ALDH5A1: variants seen among roughly 807,000 people sequenced by gnomAD.
ALDH5A1 encodes the protein succinate-semialdehyde dehydrogenase, mitochondrial.
Under a neutral mutation model 54.7 loss-of-function variants are expected in ALDH5A1, and 33 were observed. That is an observed-to-expected ratio of 0.60 (90% CI 0.46 to 0.81). The LOEUF (loss-of-function observed/expected upper bound fraction) is 0.81, where lower values mean the gene tolerates loss of function less well. Among genes scored for constraint, ALDH5A1 ranks in the 30% least tolerant of loss-of-function variants. The probability of loss-of-function intolerance (pLI) is 0.00; values close to 1 mark genes in which losing one functional copy is unlikely to be tolerated. For missense variants in ALDH5A1, 657 were observed against 711.0 expected, an observed-to-expected ratio of 0.92 and a Z score of 0.86; for synonymous variants, 294 against 292.7, an observed-to-expected ratio of 1.00 and a Z score of -0.05.
Position 24,528,076 on chromosome 6 carries a change from AT to A in ALDH5A1, c.1256del (p.Phe419SerfsTer38), listed in dbSNP as rs776600632. On this transcript the variant is annotated frameshift_variant, in exon 8 of 10. Coordinates refer to ENST00000357578, the MANE Select transcript of ALDH5A1 (RefSeq NM_001080.3). LOFTEE classifies it high-confidence loss of function. ...GGAAAACGACACCAACTTGGAAAAAATTTCTTTGAGCCTACCCTGCTGTGCA... is the reference window on the plus strand; with the variant it reads ...GGAAAACGACACCAACTTGGAAAAAATTCTTTGAGCCTACCCTGCTGTGCA... ...TGGKRHQLGKNFFEPTLLCNV... is the reference protein window; with the variant it reads ...TGGKRHQLGKXFFEPTLLCNV... The A allele has an allele frequency of 5.0e-6, 8 of 1,614,118 alleles. No homozygotes were observed. Among genetic ancestry groups the A allele is most frequent in the Non-Finnish European group, 2.5e-6 (3 of 1,180,012 alleles).
At chr6:24,500,755 T>C (rs113140723) in intron 1 of ALDH5A1, among the ~76,000 whole-genome samples, 96 of 151,982 alleles carry the variant, frequency 6.3e-4, no homozygotes, top group African/African-American at 1.7e-3. Flanking sequence ...AATAGCTGTT[T>C]CCACAAAACT....
chr6:24,528,222 A>T, intron 8 of ALDH5A1, 56 bp downstream of exon 8: 3 of 1,605,030 alleles, frequency 1.9e-6, no homozygotes, highest in Non-Finnish European at 2.6e-6. Context: ...GAACATAGGA[A>T]ACCCTGAAAG....
At chr6:24,528,304 C>T (rs1759861242) in intron 8 of ALDH5A1, 138 bp downstream of exon 8, 2 of 880,502 alleles carry the variant, frequency 2.3e-6, no homozygotes, top group South Asian at 3.1e-5. Context: ...GAGCAGAGTG[C>T]AATTTATGGG....
At position 24,495,228 on chromosome 6, in the gene ALDH5A1, G is replaced by A. The variant is rs1001529759; in HGVS notation, c.232G>A (p.Val78Met). The A allele has an allele frequency of 2.6e-6, 4 of 1,519,862 alleles. No homozygotes were observed. Among genetic ancestry groups the A allele is most frequent in the Non-Finnish European group, 2.6e-6 (3 of 1,140,852 alleles). 94.1% of individuals were successfully genotyped at this position (1,519,862 alleles called of 1,614,324 possible). ...GCTCCCGGCCGCCGCCACCTTCCCC[G>A]TGCAAGACCCGGCCAGCGGCGCCGC... ...RWLPAAATFP[V>M]QDPASGAALG... The change falls in exon 1 of 10, where the codon GTG becomes ATG. Residue 78 changes from valine (V) to methionine (M), a missense_variant. By Grantham distance (21) the Val-to-Met change is conservative (BLOSUM62 1). This residue lies in a region of ALDH5A1 where 232 missense variants were observed against 194.6 expected (regional missense o/e 1.19). Transcript: ENST00000357578.
At chr6:24,531,803 C>A (rs1001245510) in intron 8 of ALDH5A1, among the ~76,000 whole-genome samples, 1 of 152,156 alleles carries the variant, frequency 6.6e-6, no homozygotes, top group African/African-American at 2.4e-5. Flanking sequence ...CCAGTGGGTA[C>A]CAAGAATAGT....
chr6:24,513,789 G>A (rs1759508355), intron 4 of ALDH5A1, among the ~76,000 whole-genome samples: 1 of 149,830 alleles, frequency 6.7e-6, no homozygotes, highest in Non-Finnish European at 1.5e-5. Context: ...CTCTGTTATT[G>A]GGTATACCAC....
chr6:24,499,360 C>T (rs865835017), intron 1 of ALDH5A1, among the ~76,000 whole-genome samples: 2 of 152,210 alleles, frequency 1.3e-5, no homozygotes, highest in Non-Finnish European at 2.9e-5. Flanking sequence ...ACAGCCTGAG[C>T]AGCGCTCTCT....
intron 5 of ALDH5A1, among the ~76,000 whole-genome samples, chr6:24,517,006 G>C (rs1358187287): frequency 6.6e-6 from 1 of 152,054 alleles, no homozygotes; most frequent in African/African-American, 2.4e-5. Flanking sequence ...AAGCAGGAGG[G>C]AATAATTTAA....
intron 4 of ALDH5A1, among the ~76,000 whole-genome samples, chr6:24,512,057 G>A (rs768540369): frequency 1.6e-4 from 25 of 152,274 alleles, no homozygotes; most frequent in Non-Finnish European, 2.4e-4. Context: ...TTTTCCTAGG[G>A]ATGTGGCTTC....
In ALDH5A1 at chr6:24,495,301, T is replaced by G. The variant is rs1299289161; in HGVS notation, c.305T>G (p.Val102Gly). The G allele has an allele frequency of 2.1e-5, 32 of 1,533,020 alleles. No homozygotes were observed. The Admixed American group carries it at 5.7e-4, about 27-fold the overall frequency. 95.0% of individuals were successfully genotyped at this position (1,533,020 alleles called of 1,614,324 possible). Residue 102 changes from valine to glycine, a missense_variant, in exon 1 of 10, where the codon GTG (valine) becomes GGG (glycine). Val to Gly is a moderately radical substitution (Grantham distance 109). This residue lies in a region of ALDH5A1 where 232 missense variants were observed against 194.6 expected (regional missense o/e 1.19). Coordinates refer to ENST00000357578, the MANE Select transcript of ALDH5A1 (RefSeq NM_001080.3). ...GGGGTGCGAGAGGCCCGCGCCGCCG[T>G]GCGCGCTGCCTACGAGGCTTTCTGC... ...DCGVREARAAVRAAYEAFCRW... is the reference protein window; with the variant it reads ...DCGVREARAAGRAAYEAFCRW...
intron 6 of ALDH5A1, 91 bp downstream of exon 6, chr6:24,520,635 T>A: frequency 3.1e-6 from 4 of 1,289,256 alleles, no homozygotes; most frequent in Admixed American, 2.1e-5. Context: ...TGCATGTGAG[T>A]GTGTGTGTGT....
At chr6:24,510,719 A>C (rs556556382) in intron 4 of ALDH5A1, among the ~76,000 whole-genome samples, 57 of 152,134 alleles carry the variant, frequency 3.7e-4, no homozygotes, top group Non-Finnish European at 6.2e-4. Context: ...GGGTCTCTTA[A>C]AGGCAACAGA....
At chr6:24,526,963 TATGTGTGTG>T (rs1399424559) in intron 7 of ALDH5A1, among the ~76,000 whole-genome samples, 2 of 7,334 alleles carry the variant, frequency 2.7e-4, no homozygotes, top group East Asian at 8.6e-4. Flanking sequence ...AATATATATA[TATGTGTGTG>T]TGTATATATA....
rs143853764 is a variant in ALDH5A1 at position 24,528,007 on chromosome 6, A to G, written c.1184A>G (p.Gln395Arg). Residue 395 changes from glutamine to arginine, a missense_variant, in exon 8 of 10, where the codon CAG becomes CGG. Gln to Arg is a conservative substitution (Grantham distance 43). Coordinates refer to ENST00000357578, the MANE Select transcript of ALDH5A1 (RefSeq NM_001080.3). ...TTCCTCATTACACAGGTGGAGAAAC[A>G]GGTGAATGATGCCGTTTCTAAAGGT... ...NEKAVEKVEK[Q>R]VNDAVSKGAT... The G allele has an allele frequency of 6.2e-7, 1 of 1,614,050 alleles. No homozygotes were observed. Among genetic ancestry groups the G allele is most frequent in the East Asian group, 2.2e-5 (1 of 44,880 alleles).
At chr6:24,498,793 G>C (rs368948267) in intron 1 of ALDH5A1, among the ~76,000 whole-genome samples, 5 of 151,978 alleles carry the variant, frequency 3.3e-5, no homozygotes, top group African/African-American at 1.2e-4. Flanking sequence ...GTGAAACACT[G>C]TCTCTACTAA....
chr6:24,495,033 C>G lies in ALDH5A1; in HGVS notation c.37C>G (p.Arg13Gly). The stretch of plus-strand genomic sequence containing the variant: ...CATTTGGCTGCGGAGCTGTGGGGCC[C>G]GGCGCCTCGGGTCGACGTTTCCAGG... ...TCIWLRSCGA[R>G]RLGSTFPGCR... Residue 13 changes from arginine (R) to glycine (G), a missense_variant, in exon 1 of 10, where the codon CGG becomes GGG. Arg to Gly is a moderately radical substitution (Grantham distance 125, BLOSUM62 -2). Transcript: ENST00000357578. 1 of 1,347,918 alleles carries G rather than the reference C, an allele frequency of 7.4e-7. No individual in the cohort carries two copies. The highest frequency in any genetic ancestry group is 9.5e-7 in the Non-Finnish European group (1 of 1,052,810). The allele number at this position is 1,347,918 out of a possible 1,614,324, so 83.5% of individuals were successfully genotyped here. A position where few individuals can be genotyped will look rare whatever the true frequency, so the allele number is the denominator to read the frequency against.
At chr6:24,498,091 G>A (rs1410433203) in intron 1 of ALDH5A1, among the ~76,000 whole-genome samples, 1 of 152,020 alleles carries the variant, frequency 6.6e-6, no homozygotes, top group African/African-American at 2.4e-5. Context: ...GAAGGAGAGG[G>A]GTTAGTGATG....
Position 24,495,106 on chromosome 6 carries a change from C to A in ALDH5A1, c.110C>A (p.Pro37His). The stretch of plus-strand genomic sequence containing the variant: ...GGCGGCCTGGTCCCTGCCTCCGGGC[C>A]TGCGCCCGGCCCGGCCCAGCTCCGC... ...RAGGLVPASG[P>H]APGPAQLRCY... Residue 37 changes from proline (P) to histidine (H), a missense_variant, in exon 1 of 10, where the codon CCT becomes CAT. Physicochemically the swap from Pro to His is moderately conservative, Grantham distance 77. Around this residue, in one of 2 missense-constraint regions of ALDH5A1, gnomAD observed 232 missense variants for 194.6 expected, o/e 1.19. Coordinates refer to ENST00000357578, the MANE Select transcript of ALDH5A1 (RefSeq NM_001080.3). The A allele has an allele frequency of 7.6e-7, 1 of 1,316,006 alleles. No homozygotes were observed. The highest frequency in any genetic ancestry group is 2.3e-5 in the South Asian group (1 of 43,938). The allele number at this position is 1,316,006 out of a possible 1,614,324, so 81.5% of individuals were successfully genotyped here.
chr6:24,533,544 A>C lies in ALDH5A1; in HGVS notation c.1440A>C (p.Arg480Ser). The C allele has an allele frequency of 6.2e-7, 1 of 1,614,086 alleles. No individual in the cohort carries two copies. The highest frequency in any genetic ancestry group is 8.5e-7 in the Non-Finnish European group (1 of 1,180,022). Residue 480 changes from arginine to serine, a missense_variant, in exon 10 of 10, where the codon AGA becomes AGC. By Grantham distance (110) the Arg-to-Ser change is moderately radical (BLOSUM62 -1). Around this residue, in one of 2 missense-constraint regions of ALDH5A1, gnomAD observed 425 missense variants for 516.4 expected, o/e 0.82. Coordinates refer to ENST00000357578, the MANE Select transcript of ALDH5A1 (RefSeq NM_001080.3). The part of the protein sequence containing the change: ...FYSQDPAQIW[R>S]VAEQLEVGMV... ...CTCAAGACCCAGCCCAGATCTGGAG[A>C]GTGGCAGAGCAGCTGGAAGTGGGCA... is the stretch of plus-strand genomic sequence containing the variant.
Sources: allele counts gnomAD v4.1 joint callset (sites outside exome capture counted in the v4.1 genomes callset), GRCh38; gene constraint gnomAD v4.1.1; regional missense constraint gnomAD v4.1.1; transcripts MANE v1.5; gene names NCBI Gene and HGNC (gene_info 2026-07-23, HGNC 2026-07-21).